The following TINAG variants were observed in gnomAD, a reference collection of about 807,000 sequenced individuals.
TINAG encodes tubulointerstitial nephritis antigen.
In TINAG, 83 loss-of-function variants were observed where a neutral mutation model predicts 72.7. That is an observed-to-expected ratio of 1.14 (90% confidence interval 0.96 to 1.37). The LOEUF is 1.37. TINAG is among the 40% of genes most tolerant of loss of function. The pLI is 0.00. For missense variants in TINAG, 685 were observed against 576.6 expected (o/e 1.19, Z -1.93); for synonymous variants, 234 against 189.9 (o/e 1.23, Z -1.91).
intron 1 of TINAG, among the ~76,000 whole-genome samples, chr6:54,310,763 C>T (rs1399014551): frequency 7.2e-6 from 1 of 139,296 alleles, no homozygotes; most frequent in Non-Finnish European, 1.5e-5. Flanking sequence ...TCTTTTTTCT[C>T]TCTCTTTCTC....
chr6:54,327,045 TAAAA>T, intron 4 of TINAG, 129 bp downstream of exon 4: 1 of 1,541,270 alleles, frequency 6.5e-7, no homozygotes, highest in East Asian at 2.4e-5. Context: ...GTCACATAAA[TAAAA>T]AACCCTTTCC....
intron 4 of TINAG, among the ~76,000 whole-genome samples, chr6:54,341,385 C>T (rs1349400133): frequency 2.0e-5 from 3 of 152,082 alleles, no homozygotes; most frequent in Non-Finnish European, 4.4e-5. Flanking sequence ...CATCAAAACC[C>T]CCAAATCACT....
chr6:54,318,812 C>T (rs1784428113), intron 1 of TINAG, among the ~76,000 whole-genome samples: 1 of 152,090 alleles, frequency 6.6e-6, no homozygotes. Flanking sequence ...GACACTGATG[C>T]TTTACTGTGT....
At chr6:54,309,063 T>C (rs1435904906) in intron 1 of TINAG, among the ~76,000 whole-genome samples, 158 bp downstream of exon 1, 3 of 152,156 alleles carry the variant, frequency 2.0e-5, no homozygotes, top group Non-Finnish European at 2.9e-5. Context: ...GTTAAAGTGC[T>C]TTGGTTTGGA....
At chr6:54,389,749 A>C (rs1157153559) in intron 10 of TINAG, 42 bp from the exon 11 acceptor site, 1 of 1,554,562 alleles carries the variant, frequency 6.4e-7, no homozygotes, top group Non-Finnish European at 8.6e-7. Context: ...AAAAATACCA[A>C]AGTATGTTTC....
At chr6:54,368,245 A>C (rs953144037) in intron 9 of TINAG, among the ~76,000 whole-genome samples, 1 of 147,820 alleles carries the variant, frequency 6.8e-6, no homozygotes, top group African/African-American at 2.5e-5. Flanking sequence ...TATAATATAC[A>C]ACATATAATA....
chr6:54,330,270 T>C (rs1037224852), intron 4 of TINAG, among the ~76,000 whole-genome samples: 7 of 151,050 alleles, frequency 4.6e-5, no homozygotes, highest in African/African-American at 1.7e-4. Context: ...TAACAAACAG[T>C]CTATCAGATT....
At chr6:54,335,769 G>C (rs192509455) in intron 4 of TINAG, among the ~76,000 whole-genome samples, 1 of 152,220 alleles carries the variant, frequency 6.6e-6, no homozygotes, top group African/African-American at 2.4e-5. Context: ...TTCTCGATTA[G>C]TGGTGCACTC....
intron 8 of TINAG, among the ~76,000 whole-genome samples, chr6:54,353,662 C>G (rs143565666): frequency 6.6e-6 from 1 of 151,862 alleles, no homozygotes; most frequent in African/African-American, 2.4e-5. Context: ...AAAACTGGAA[C>G]ATTGAAAAGT....
At chr6:54,355,161 A>G (rs1762995548) in intron 9 of TINAG, among the ~76,000 whole-genome samples, 2 of 151,932 alleles carry the variant, frequency 1.3e-5, no homozygotes, top group Non-Finnish European at 2.9e-5. Context: ...TGGCATTTCA[A>G]GAGTGAGTAA....
chr6:54,327,041 T>C, intron 4 of TINAG, 125 bp downstream of exon 4: 1 of 1,542,078 alleles, frequency 6.5e-7, no homozygotes, highest in Non-Finnish European at 8.7e-7. Flanking sequence ...TTTTGTCACA[T>C]AAATAAAAAA....
At chr6:54,347,632 C>CATGA in intron 6 of TINAG, 115 bp downstream of exon 6, 1 of 1,002,476 alleles carries the variant, frequency 1.0e-6, no homozygotes, top group South Asian at 1.9e-5. Context: ...ATATATACTA[C>CATGA]ATCTACATGA....
At position 54,383,416 on chromosome 6, in the gene TINAG, A is replaced by G. The variant is rs142941025; in HGVS notation, c.1296+2845A>G. 7.6e-3 allele frequency among the ~76,000 whole-genome samples: 1,163 copies of G among 152,280 alleles called. 13 individuals carry two copies. The highest frequency in any genetic ancestry group is 0.025 in the African/African-American group (1,047 of 41,568). On this transcript the variant is annotated intron_variant, in intron 10 of 10. Transcript: ENST00000259782. ...AGTCTTTCACTACTGAGTAAAATGTAATACATAGCAGCAAGCCATAAATTC... is the reference window on the plus strand; with the variant it reads ...AGTCTTTCACTACTGAGTAAAATGTGATACATAGCAGCAAGCCATAAATTC...
At chr6:54,336,194 ATACT>A (rs1227147423) in intron 4 of TINAG, among the ~76,000 whole-genome samples, 1 of 152,104 alleles carries the variant, frequency 6.6e-6, no homozygotes, top group African/African-American at 2.4e-5. Context: ...GTCCCATGAA[ATACT>A]TGATGAGAAA....
intron 9 of TINAG, among the ~76,000 whole-genome samples, chr6:54,360,837 C>T (rs1205663532): frequency 1.3e-4 from 3 of 22,338 alleles, no homozygotes; most frequent in African/African-American, 1.3e-4. Context: ...TTCACAGATA[C>T]TGTGTTTTTT....
chr6:54,317,024 C>T (rs1784387638), intron 1 of TINAG, among the ~76,000 whole-genome samples: 1 of 151,896 alleles, frequency 6.6e-6, no homozygotes, highest in Non-Finnish European at 1.5e-5. Flanking sequence ...TGTGTGTAAC[C>T]AATTAATTAA....
chr6:54,354,233 T>G (rs566568676), intron 8 of TINAG, among the ~76,000 whole-genome samples: 108 of 152,018 alleles, frequency 7.1e-4, no homozygotes, highest in African/African-American at 2.4e-3. Flanking sequence ...TGCAAGCGCT[T>G]AATTTTTGGT....
chr6:54,325,422 A>C (rs890926654), intron 3 of TINAG, among the ~76,000 whole-genome samples: 1 of 152,224 alleles, frequency 6.6e-6, no homozygotes, highest in Non-Finnish European at 1.5e-5. Flanking sequence ...GAAGGATGTT[A>C]TAGGTTAGTC....
At chr6:54,354,831 T>C (rs1287652716) in intron 9 of TINAG, among the ~76,000 whole-genome samples, 195 bp downstream of exon 9, 1 of 151,818 alleles carries the variant, frequency 6.6e-6, no homozygotes, top group Non-Finnish European at 1.5e-5. Context: ...CTGGGAAAAA[T>C]GATCTTTTCC....
Sources: allele counts gnomAD v4.1 joint callset (sites outside exome capture counted in the v4.1 genomes callset), GRCh38; gene constraint gnomAD v4.1.1; transcripts MANE v1.5; gene names NCBI Gene and HGNC (gene_info 2026-07-23, HGNC 2026-07-21).